Variants in IQSEC1 observed in about 807,000 individuals in gnomAD.
IQSEC1 encodes the protein IQ motif and SEC7 domain-containing protein 1.
Under a neutral mutation model 91.0 loss-of-function variants are expected in IQSEC1, and 31 were observed. The ratio of observed to expected loss-of-function variants is 0.34; its 90% CI spans 0.26 to 0.46. IQSEC1 has a LOEUF of 0.46. Ranked by LOEUF, IQSEC1 falls within the 20% of genes least tolerant of loss-of-function variation. The pLI, the probability that IQSEC1 is intolerant of heterozygous loss-of-function variation, is 1.00. For missense variants in IQSEC1, 1,388 were observed against 1,575.6 expected (o/e 0.88, Z 2.02); for synonymous variants, 699 against 662.6 (o/e 1.05, Z -0.84).
At chr3:13,069,058 T>C (rs1374701597) in intron 1 of IQSEC1, among the ~76,000 whole-genome samples, 1 of 152,236 alleles carries the variant, frequency 6.6e-6, no homozygotes, top group Admixed American at 6.5e-5. Context: ...TTCTGAGTTA[T>C]AACCAGGACC....
rs114363854 is a variant in IQSEC1, at chr3:13,222,021, T to C, written c.273-57888A>G. On this transcript the variant is annotated intron_variant, in intron 1 of 15. Coordinates refer to the IQSEC1 transcript ENST00000648114. ...GGAGTGTCCCCTTTCCTTTTCATTA[T>C]GGTAAAGGATACATAACACACATTT... is the stretch of plus-strand genomic sequence containing the variant. Among the ~76,000 whole-genome samples, 1,091 of 152,350 alleles carry C rather than the reference T, an allele frequency of 7.2e-3. 12 individuals carry two copies. The highest frequency in any genetic ancestry group is 0.024 in the African/African-American group (1,012 of 41,580).
At chr3:12,902,889 G>T in intron 12 of IQSEC1, 67 bp from the exon 13 acceptor site, 2 of 1,203,638 alleles carry the variant, frequency 1.7e-6, no homozygotes, top group Non-Finnish European at 2.5e-6. Flanking sequence ...CCTGCCTGGT[G>T]CCACGCTGCT....
chr3:13,174,227 A>T (rs972442385), intron 1 of IQSEC1, among the ~76,000 whole-genome samples: 3 of 152,124 alleles, frequency 2.0e-5, no homozygotes, highest in African/African-American at 7.2e-5. Flanking sequence ...ACCAGATAAT[A>T]CTGGGAGCGC....
At chr3:13,208,969 A>G (rs1694395375) in intron 1 of IQSEC1, among the ~76,000 whole-genome samples, 2 of 152,172 alleles carry the variant, frequency 1.3e-5, no homozygotes, top group Admixed American at 1.3e-4. Flanking sequence ...TCACACCAAG[A>G]CCAACACCCC....
chr3:13,096,442 C>T (rs1559254102), intron 2 of IQSEC1, among the ~76,000 whole-genome samples: 1 of 152,150 alleles, frequency 6.6e-6, no homozygotes, highest in African/African-American at 2.4e-5. Flanking sequence ...GTGTAGGGCA[C>T]ACGCCCTTCC....
chr3:13,142,725 A>G (rs1433880704), intron 2 of IQSEC1, among the ~76,000 whole-genome samples: 1 of 152,252 alleles, frequency 6.6e-6, no homozygotes, highest in Non-Finnish European at 1.5e-5. Flanking sequence ...GTGTAACTCC[A>G]GTGTCCATTG....
chr3:12,946,098 G>A (rs115328542), intron 1 of IQSEC1, among the ~76,000 whole-genome samples: 94 of 152,316 alleles, frequency 6.2e-4, no homozygotes, highest in Non-Finnish European at 1.1e-3. Context: ...TAGTGACAGA[G>A]CTTGGCTATA....
chr3:13,187,703 C>T (rs1014065500), intron 1 of IQSEC1, among the ~76,000 whole-genome samples: 3 of 152,132 alleles, frequency 2.0e-5, no homozygotes, highest in African/African-American at 7.2e-5. Context: ...ATTCATGCTG[C>T]TATAAAAATA....
Position 12,909,531 on chromosome 3 carries a change from G to A in IQSEC1, c.2417-97C>T. The stretch of plus-strand genomic sequence containing the variant: ...GGAAACAATGGTAGGGCTGAGTTGT[G>A]CGTGAGCCTGGGATAAGTGCCGGGA... On this transcript the variant is annotated intron_variant, in intron 10 of 13. Transcript: ENST00000613206. This position sits in a 1 kb window ranked among gnomAD's most constrained non-coding sequence, Gnocchi z 4.9. The A allele has an allele frequency of 2.4e-6, 3 of 1,270,468 alleles. No individual in the cohort carries two copies. The highest frequency in any genetic ancestry group is 1.5e-5 in the African/African-American group (1 of 67,494). 78.7% of individuals were successfully genotyped at this position (1,270,468 alleles called of 1,614,324 possible). A position where few individuals can be genotyped will look rare whatever the true frequency, so the allele number is the denominator to read the frequency against.
At chr3:13,136,455 G>A (rs1182165856) in intron 2 of IQSEC1, among the ~76,000 whole-genome samples, 1 of 152,180 alleles carries the variant, frequency 6.6e-6, no homozygotes, top group Non-Finnish European at 1.5e-5. Context: ...AGTGAAATGA[G>A]CATTCCTATT....
At chr3:13,268,824 A>T (rs998984107) in intron 1 of IQSEC1, among the ~76,000 whole-genome samples, 3 of 152,188 alleles carry the variant, frequency 2.0e-5, no homozygotes, top group Non-Finnish European at 4.4e-5. Context: ...GCTTCCAAAG[A>T]TGAGCAAGGT....
intron 1 of IQSEC1, among the ~76,000 whole-genome samples, chr3:13,010,565 G>C (rs1702837093): frequency 6.6e-6 from 1 of 152,218 alleles, no homozygotes; most frequent in East Asian, 1.9e-4. Flanking sequence ...GAGAAAAAGA[G>C]GCCGGCGTCT....
chr3:12,941,922 C>T, intron 1 of IQSEC1, 57 bp from the exon 2 acceptor site: 1 of 1,473,778 alleles, frequency 6.8e-7, no homozygotes, highest in Non-Finnish European at 9.1e-7. Context: ...GAACACGACA[C>T]CGGGCCGTGG....
At chr3:13,278,301 T>C (rs1255599827) in intron 1 of IQSEC1, among the ~76,000 whole-genome samples, 1 of 152,130 alleles carries the variant, frequency 6.6e-6, no homozygotes, top group Non-Finnish European at 1.5e-5. Context: ...CCAAGGAACT[T>C]TGGAAGATCA....
chr3:13,145,083 G>C (rs557306572), intron 2 of IQSEC1, among the ~76,000 whole-genome samples: 1 of 152,350 alleles, frequency 6.6e-6, no homozygotes, highest in East Asian at 1.9e-4. Context: ...CACCTGTGAA[G>C]GGTGGGGGGG....
Position 12,924,592 on chromosome 3 carries a change from A to G in IQSEC1, c.1719T>C (p.Arg573=). The G allele has an allele frequency of 1.2e-6, 2 of 1,601,378 alleles. No homozygotes were observed. Among genetic ancestry groups the G allele is most frequent in the Non-Finnish European group, 1.7e-6 (2 of 1,172,342 alleles). Residue 573 remains arginine, a synonymous_variant, in exon 4 of 14, where the codon CGT becomes CGC. Coordinates refer to ENST00000613206, the MANE Select transcript of IQSEC1 (RefSeq NM_001134382.3). The surrounding 1 kb of genome is among the most constrained non-coding windows in gnomAD (Gnocchi z 6.3). ...FLGNRQKQFN[R]DVLDCVVDEM... ...CATGCAGAACTTACTCGAGCACGTC[A>G]CGGTTGAACTGCTTCTGCCGGTTGC... is the stretch of plus-strand genomic sequence containing the variant.
rs779168650 is a variant in IQSEC1 at position 13,081,118 on chromosome 3, A to G, written c.303-33596T>C. ...GACTGCGTAAAAAAAAGCAGCTTAT[A>G]TAAGTGCATAGTCAGTATGAATATA... On this transcript the variant is annotated intron_variant, in intron 2 of 15. Transcript: ENST00000648114. Among the ~76,000 whole-genome samples, 57 of 152,372 alleles carry G rather than the reference A, an allele frequency of 3.7e-4. 2 individuals carry two copies. The highest frequency in any genetic ancestry group is 1.3e-4 in the Non-Finnish European group (9 of 68,038).
intron 1 of IQSEC1, among the ~76,000 whole-genome samples, chr3:13,183,107 T>G (rs141908344): frequency 6.6e-6 from 1 of 151,612 alleles, no homozygotes; most frequent in Non-Finnish European, 1.5e-5. Flanking sequence ...GAGGCTGCAG[T>G]GAGCTGAGAT....
intron 1 of IQSEC1, among the ~76,000 whole-genome samples, chr3:13,220,168 C>T (rs1694630024): frequency 6.6e-6 from 1 of 152,264 alleles, no homozygotes; most frequent in Non-Finnish European, 1.5e-5. Context: ...ACTCAACTGC[C>T]TCCTGGGGCC....
Sources: allele counts gnomAD v4.1 joint callset (sites outside exome capture counted in the v4.1 genomes callset), GRCh38; gene constraint gnomAD v4.1.1; non-coding constraint Gnocchi (gnomAD v3.1); transcripts MANE v1.5; gene names NCBI Gene and HGNC (gene_info 2026-07-23, HGNC 2026-07-21).